FAM76B: variants seen among roughly 807,000 people sequenced by gnomAD.
The protein encoded by FAM76B is family with sequence similarity 76 member B, also known as protein FAM76B.
Under a neutral mutation model 51.8 loss-of-function variants are expected in FAM76B, and 16 were observed. That is an observed-to-expected ratio of 0.31 (90% CI 0.21 to 0.47). FAM76B has a LOEUF of 0.47. FAM76B is among the 20% of genes least tolerant of loss of function. The probability of loss-of-function intolerance (pLI) is 1.00; values close to 1 mark genes in which losing one functional copy is unlikely to be tolerated. For missense variants in FAM76B, 342 were observed against 392.6 expected (o/e 0.87, Z 1.09); for synonymous variants, 166 against 129.5 (o/e 1.28, Z -1.91).
intron 3 of FAM76B, chr11:95,786,909 A>G (rs982450010): frequency 6.6e-6 from 1 of 152,282 alleles, no homozygotes; most frequent in Admixed American, 6.5e-5. Flanking sequence ...TAGTATACAT[A>G]TAAGACAATT....
intron 4 of FAM76B, among the ~76,000 whole-genome samples, chr11:95,784,125 A>G (rs1244892703): frequency 6.6e-6 from 1 of 152,192 alleles, no homozygotes; most frequent in Non-Finnish European, 1.5e-5. Context: ...GAACAAGATC[A>G]TGTCCCTTCC....
intron 8 of FAM76B, among the ~76,000 whole-genome samples, chr11:95,776,677 A>G (rs1404653600): frequency 6.6e-6 from 1 of 151,328 alleles, no homozygotes; most frequent in Non-Finnish European, 1.5e-5. Context: ...GCTTTGAGGA[A>G]GAAGGCTACA....
intron 9 of FAM76B, among the ~76,000 whole-genome samples, chr11:95,772,486 A>C (rs537706733): frequency 6.6e-6 from 1 of 150,856 alleles, no homozygotes; most frequent in East Asian, 1.9e-4. Context: ...GAAAACTTAG[A>C]TAGTAAGGAT....
intron 7 of FAM76B, 90 bp downstream of exon 7, chr11:95,779,517 T>C: frequency 1.8e-6 from 2 of 1,083,764 alleles, no homozygotes; most frequent in Admixed American, 2.6e-5. Context: ...AAATACATGT[T>C]TCTATTTTTT....
Position 95,777,814 on chromosome 11 carries a change from A to G in FAM76B, c.828+1008T>C, listed in dbSNP as rs530037840. Among the ~76,000 whole-genome samples, 3 of 151,512 alleles carry G rather than the reference A, an allele frequency of 2.0e-5. No homozygotes were observed. In the South Asian group the frequency reaches 6.2e-4, roughly 31 times the overall value. ...AGACTTAGAGATGGATATAAGTCAT[A>G]TATGTATTCATATTAAGGCCTTATT... On this transcript the variant is annotated intron_variant, in intron 8 of 9. Transcript: ENST00000358780.
chr11:95,773,933 G>C (rs1359706498), intron 9 of FAM76B, among the ~76,000 whole-genome samples: 2 of 151,152 alleles, frequency 1.3e-5, no homozygotes, highest in Non-Finnish European at 3.0e-5. Context: ...GATCCATCTT[G>C]TGTCACAGGA....
rs895606064 is a variant in FAM76B, at chr11:95,786,128, T to G, written c.354A>C (p.Gly118=). The G allele has an allele frequency of 6.8e-6, 11 of 1,608,922 alleles. No individual in the cohort carries two copies. The highest frequency in any genetic ancestry group is 9.3e-6 in the Non-Finnish European group (11 of 1,177,492). Residue 118 remains glycine, a synonymous_variant, in exon 4 of 10, where the codon GGA becomes GGC. Coordinates refer to ENST00000358780, the MANE Select transcript of FAM76B (RefSeq NM_144664.5). ...QQCAFDRKEE[G]RRKVDGKLLC... is the part of the protein sequence containing the mutation. ...CATAAATAAAGCATACCTTTCTTCTTCCTTCCTCCTTCCGATCAAAAGCAC... is the reference window on the plus strand; with the variant it reads ...CATAAATAAAGCATACCTTTCTTCTGCCTTCCTCCTTCCGATCAAAAGCAC...
intron 1 of FAM76B, chr11:95,788,989 G>T (rs1261019855): frequency 7.4e-7 from 1 of 1,353,068 alleles, no homozygotes; most frequent in East Asian, 4.3e-5. Flanking sequence ...GCGGCTTCGG[G>T]TTCCTAGCAA....
Position 95,783,157 on chromosome 11 carries a change from A to C in FAM76B, c.471T>G (p.Ser157=). ...GGTCTTTCTCAGTAAGAGATGAAGA[A>C]GATGAATTTGAATGTGAAGATCCCA... ...KSLGSSHSNS[S]SSSLTEKDQH... The change falls in exon 5 of 10, where the codon TCT becomes TCG. Residue 157 remains serine (S), a synonymous_variant. Coordinates refer to ENST00000358780, the MANE Select transcript of FAM76B (RefSeq NM_144664.5). 1 of 1,613,780 alleles carries C rather than the reference A, an allele frequency of 6.2e-7. No homozygotes were observed. The highest frequency in any genetic ancestry group is 2.2e-5 in the East Asian group (1 of 44,868).
At chr11:95,780,547 T>C (rs1474986008) in intron 5 of FAM76B, among the ~76,000 whole-genome samples, 1 of 151,982 alleles carries the variant, frequency 6.6e-6, no homozygotes. Flanking sequence ...ATACTCCTTT[T>C]CTATTTTACC....
At chr11:95,783,448 A>G (rs1305094484) in intron 4 of FAM76B, among the ~76,000 whole-genome samples, 184 bp from the exon 5 acceptor site, 1 of 152,222 alleles carries the variant, frequency 6.6e-6, no homozygotes, top group Admixed American at 6.5e-5. Flanking sequence ...AACTTGAGAA[A>G]ATACTTGTTA....
intron 4 of FAM76B, among the ~76,000 whole-genome samples, chr11:95,783,932 G>C (rs1860414273): frequency 6.6e-6 from 1 of 152,148 alleles, no homozygotes; most frequent in African/African-American, 2.4e-5. Context: ...TTAGTGCCAT[G>C]TTTTTCAAGT....
At position 95,789,491 on chromosome 11, in the gene FAM76B, T is replaced by G; in HGVS notation, c.-13A>C. 6.3e-7 allele frequency: 1 copy of G among 1,592,086 alleles called. No individual in the cohort carries two copies. On this transcript the variant is annotated 5_prime_UTR_variant, in exon 1 of 10. Transcript: ENST00000358780. ...CCGAGGCCGCCATCCTGCTCCTCAGTCTCCTCCTCCGCCGCCGCCCGCTCC... is the reference window on the plus strand; with the variant it reads ...CCGAGGCCGCCATCCTGCTCCTCAGGCTCCTCCTCCGCCGCCGCCCGCTCC...
At chr11:95,774,226 T>A (rs1859898292) in intron 9 of FAM76B, among the ~76,000 whole-genome samples, 1 of 151,452 alleles carries the variant, frequency 6.6e-6, no homozygotes, top group African/African-American at 2.4e-5. Flanking sequence ...ACGTCACCGC[T>A]TACTGTGTGA....
In FAM76B at chr11:95,769,362, A is replaced by G. The variant is rs1859671950; in HGVS notation, c.*2199T>C. 1 of 152,286 alleles carries G rather than the reference A, an allele frequency of 6.6e-6. No individual in the cohort carries two copies. Among genetic ancestry groups the G allele is most frequent in the African/African-American group, 2.4e-5 (1 of 41,402 alleles). The allele number at this position is 152,286 out of a possible 1,614,324, so 9.4% of individuals were successfully genotyped here. A position where few individuals can be genotyped will look rare whatever the true frequency, so the allele number is the denominator to read the frequency against. On this transcript the variant is annotated 3_prime_UTR_variant, in exon 10 of 10. Transcript: ENST00000358780. ...TTAAGTTATAAAATAAGGTCATGGAATAAAGAAGGGTATTTAATTAGGACT... is the reference window on the plus strand; with the variant it reads ...TTAAGTTATAAAATAAGGTCATGGAGTAAAGAAGGGTATTTAATTAGGACT...
intron 8 of FAM76B, among the ~76,000 whole-genome samples, chr11:95,776,991 T>C (rs1565287090): frequency 6.6e-6 from 1 of 151,158 alleles, no homozygotes; most frequent in Non-Finnish European, 1.5e-5. Flanking sequence ...TCTCTCTAAC[T>C]TTCTCTAATC....
chr11:95,787,265 G>C (rs540777831), intron 3 of FAM76B, among the ~76,000 whole-genome samples: 1 of 151,310 alleles, frequency 6.6e-6, no homozygotes, highest in East Asian at 1.9e-4. Context: ...ACGCAGTCTC[G>C]CTCTGTCCCC....
chr11:95,771,324 G>A lies in FAM76B; in HGVS notation c.*237C>T, dbSNP rs760436895. On this transcript the variant is annotated 3_prime_UTR_variant, in exon 10 of 10. Coordinates refer to ENST00000358780, the MANE Select transcript of FAM76B (RefSeq NM_144664.5). ...TTTACAACTGTTTAATACTATTGCTGGCAAAAAAGTTCCTGGATATCAAAT... is the reference window on the plus strand; with the variant it reads ...TTTACAACTGTTTAATACTATTGCTAGCAAAAAAGTTCCTGGATATCAAAT... 1 of 378,866 alleles carries A rather than the reference G, an allele frequency of 2.6e-6. No homozygotes were observed. The highest frequency in any genetic ancestry group is 5.7e-5 in the East Asian group (1 of 17,658). The allele number at this position is 378,866 out of a possible 1,614,324, so 23.5% of individuals were successfully genotyped here.
chr11:95,789,096 G>A (rs1049800179), intron 1 of FAM76B: 6 of 1,400,084 alleles, frequency 4.3e-6, no homozygotes, highest in Admixed American at 2.7e-5. Context: ...GGTCTCTGCG[G>A]CATAGACAGG....
Sources: allele counts gnomAD v4.1 joint callset (sites outside exome capture counted in the v4.1 genomes callset), GRCh38; gene constraint gnomAD v4.1.1; transcripts MANE v1.5; gene names NCBI Gene and HGNC (gene_info 2026-07-23, HGNC 2026-07-21).